Variants in PSG9 observed in about 807,000 individuals in gnomAD.
The protein encoded by PSG9 is pregnancy specific beta-1-glycoprotein 9.
PSG9 carries 49 observed loss-of-function variants against 41.9 expected under a neutral mutation model. The ratio of observed to expected loss-of-function variants is 1.17; its 90% CI spans 0.93 to 1.48. The LOEUF is 1.48. PSG9 is among the 40% of genes most tolerant of loss of function. The pLI, the probability that PSG9 is intolerant of heterozygous loss-of-function variation, is 0.00. For synonymous variants in PSG9, 263 were observed against 196.8 expected, an observed-to-expected ratio of 1.34 and a Z score of -2.82; for missense variants, 641 against 520.3, an observed-to-expected ratio of 1.23 and a Z score of -2.26.
At chr19:43,254,195 G>A (rs954606805) in intron 5 of PSG9, among the ~76,000 whole-genome samples, 13 of 146,046 alleles carry the variant, frequency 8.9e-5, no homozygotes, top group Admixed American at 8.9e-4. Flanking sequence ...TCTCATTTAA[G>A]CCACACAATA....
chr19:43,258,606 G>A, intron 4 of PSG9, 150 bp from the exon 5 acceptor site: 1 of 1,400,142 alleles, frequency 7.1e-7, no homozygotes, highest in Non-Finnish European at 9.5e-7. Context: ...TGAAGCCTGA[G>A]GTATTCACCT....
chr19:43,258,687 G>A (rs1212178304), intron 4 of PSG9, among the ~76,000 whole-genome samples, 170 bp downstream of exon 4: 2 of 145,942 alleles, frequency 1.4e-5, no homozygotes, highest in Non-Finnish European at 1.5e-5. Flanking sequence ...TATATTCTTG[G>A]TTAAGGCTGT....
intron 3 of PSG9, chr19:43,259,496 C>G (rs910259129): frequency 3.6e-6 from 1 of 279,630 alleles, no homozygotes; most frequent in African/African-American, 2.3e-5. Context: ...ACTGCTGGGC[C>G]CCTTCCAAAT....
At chr19:43,261,002 T>C (rs1272702663) in intron 3 of PSG9, among the ~76,000 whole-genome samples, 2 of 152,148 alleles carry the variant, frequency 1.3e-5, no homozygotes, top group African/African-American at 4.8e-5. Context: ...CCTTTCAGAT[T>C]GTTCATTGTT....
intron 3 of PSG9, 95 bp downstream of exon 3, chr19:43,261,765 C>A (rs1343215031): frequency 8.7e-6 from 14 of 1,611,330 alleles, no homozygotes; most frequent in Non-Finnish European, 1.2e-5. Flanking sequence ...GTAAAGGTCT[C>A]TGTACTTGGA....
rs1384731194 is a variant in PSG9 at position 43,267,742 on chromosome 19, C to T, written c.430+42G>A. ...TCCTGTGTGTGTGAAGTAGAAATGA[C>T]CCCTTCCCCCCAACACCCAGGGATC... On this transcript the variant is annotated intron_variant, in intron 2 of 5. Transcript: ENST00000270077. The T allele has an allele frequency of 2.5e-6, 4 of 1,611,824 alleles. No individual in the cohort carries two copies. The East Asian group carries it at 6.7e-5, about 27-fold the overall frequency.
intron 3 of PSG9, among the ~76,000 whole-genome samples, chr19:43,261,437 A>T (rs565373106): frequency 6.6e-6 from 1 of 152,228 alleles, no homozygotes; most frequent in South Asian, 2.1e-4. Context: ...TATGAGGAAG[A>T]AATGGTGGGT....
At chr19:43,267,723 G>GT in intron 2 of PSG9, 61 bp downstream of exon 2, 1 of 1,605,168 alleles carries the variant, frequency 6.2e-7, no homozygotes, top group South Asian at 1.1e-5. Context: ...ACAATCCTGT[G>GT]TGTGTGAAGT....
At chr19:43,266,269 A>T (rs1380904757) in intron 2 of PSG9, among the ~76,000 whole-genome samples, 3 of 152,016 alleles carry the variant, frequency 2.0e-5, no homozygotes, top group Non-Finnish European at 4.4e-5. Flanking sequence ...CTTTAGGGGC[A>T]AGAGGTAGTG....
At chr19:43,261,583 T>C (rs573276369) in intron 3 of PSG9, among the ~76,000 whole-genome samples, 29 of 152,316 alleles carry the variant, frequency 1.9e-4, no homozygotes, top group South Asian at 4.1e-4. Context: ...GCCAAATCCC[T>C]GCTGTGTTCA....
At chr19:43,253,773 C>T (rs766493644) in intron 5 of PSG9, 127 bp from the exon 6 acceptor site, 2 of 582,306 alleles carry the variant, frequency 3.4e-6, no homozygotes, top group Non-Finnish European at 2.9e-6. Context: ...CTCTATTTAA[C>T]TCTAATGGGT....
rs778160179 is a variant in PSG9 at position 43,253,964 on chromosome 19, T to C, written c.1244-318A>G. Among the ~76,000 whole-genome samples, 4 of 146,304 alleles carry C rather than the reference T, an allele frequency of 2.7e-5. 1 individual carries two copies. The highest frequency in any genetic ancestry group is 5.2e-5 in the African/African-American group (2 of 38,402). On this transcript the variant is annotated intron_variant, in intron 5 of 5. Transcript: ENST00000270077. ...CAGGTGTCTTCCCTGATAAATTACC[T>C]TGTATGTCTAATCCCATCTTGGATG...
At chr19:43,254,973 C>T (rs1284722896) in intron 5 of PSG9, among the ~76,000 whole-genome samples, 1 of 143,964 alleles carries the variant, frequency 6.9e-6, no homozygotes, top group Non-Finnish European at 1.5e-5. Flanking sequence ...CACCTGTAGT[C>T]CTAGCATCTT....
intron 5 of PSG9, 38 bp from the exon 6 acceptor site, chr19:43,253,684 TC>T: frequency 8.3e-7 from 1 of 1,211,478 alleles, no homozygotes; most frequent in Non-Finnish European, 1.2e-6. Flanking sequence ...CATTTCAAAT[TC>T]ACTACCTCCT....
rs188758369 is a variant in PSG9 at position 43,266,174 on chromosome 19, G to A, written c.430+1610C>T. On this transcript the variant is annotated intron_variant, in intron 2 of 5. Coordinates refer to ENST00000270077, the MANE Select transcript of PSG9 (RefSeq NM_002784.5). ...ACTTCAGAGACCCCAGGGCCCAGGT[G>A]CCCCCAGTTCCACAGTCCAGGACCA... is the stretch of plus-strand genomic sequence containing the variant. Among the ~76,000 whole-genome samples, 284 of 151,992 alleles carry A rather than the reference G, an allele frequency of 1.9e-3. 3 individuals carry two copies. The highest frequency in any genetic ancestry group is 1.3e-3 in the Non-Finnish European group (91 of 67,910).
In PSG9 at chr19:43,261,936, A is replaced by C. The variant is rs138237862; in HGVS notation, c.633T>G (p.Ile211Met). ...TLYLFGVTKY[I>M]AGPYECEIRN... ...GTATTTCACATTCATAGGGTCCTGC[A>C]ATATACTTTGTGACACCAAATAGAT... Residue 211 changes from isoleucine to methionine, a missense_variant, in exon 3 of 6, where the codon ATT becomes ATG. By Grantham distance (10) the Ile-to-Met change is conservative. Transcript: ENST00000270077. The C allele has an allele frequency of 1.4e-3, 2,264 of 1,614,044 alleles. 19 individuals carry two copies. The highest frequency in any genetic ancestry group is 3.1e-3 in the Admixed American group (188 of 60,026).
intron 1 of PSG9, 128 bp from the exon 2 acceptor site, chr19:43,268,277 C>G: frequency 7.4e-7 from 1 of 1,349,828 alleles, no homozygotes. Context: ...CACATACAAA[C>G]AAACACACAC....
At chr19:43,256,674 A>G (rs1568410015) in intron 5 of PSG9, among the ~76,000 whole-genome samples, 1 of 146,816 alleles carries the variant, frequency 6.8e-6, no homozygotes, top group Non-Finnish European at 1.5e-5. Context: ...GCTTTGATAA[A>G]CAACAACAAT....
intron 2 of PSG9, among the ~76,000 whole-genome samples, chr19:43,263,824 G>A (rs571746321): frequency 6.0e-4 from 92 of 152,176 alleles, no homozygotes; most frequent in Non-Finnish European, 1.1e-3. Context: ...TAAAAGGACC[G>A]AACTGGTCAG....
Sources: allele counts gnomAD v4.1 joint callset (sites outside exome capture counted in the v4.1 genomes callset), GRCh38; gene constraint gnomAD v4.1.1; transcripts MANE v1.5; gene names NCBI Gene and HGNC (gene_info 2026-07-23, HGNC 2026-07-21).